Variants in MTFR1 observed in about 807,000 individuals in gnomAD.
MTFR1 encodes the protein mitochondrial fission regulator 1, also known as chondrocyte protein with a poly-proline region.
Under a neutral mutation model 38.8 loss-of-function variants are expected in MTFR1, and 28 were observed. That is an observed-to-expected ratio of 0.72 (90% CI 0.53 to 0.99). The LOEUF (loss-of-function observed/expected upper bound fraction) is 0.99. Ranked by LOEUF, MTFR1 falls within the 50% of genes least tolerant of loss-of-function variation. MTFR1 has a pLI of 0.00. For synonymous variants in MTFR1, 145 were observed against 137.0 expected (o/e 1.06, Z -0.41); for missense variants, 358 against 395.5 (o/e 0.91, Z 0.81).
chr8:65,770,505 C>T (rs1055306581), intron 3 of MTFR1, among the ~76,000 whole-genome samples: 2 of 152,178 alleles, frequency 1.3e-5, no homozygotes, highest in African/African-American at 4.8e-5. Context: ...AATTACCTCC[C>T]ACTGGGCCCC....
downstream of MTFR1, among the ~76,000 whole-genome samples, chr8:65,773,075 A>C (rs1039357321): frequency 6.6e-6 from 1 of 152,250 alleles, no homozygotes; most frequent in Non-Finnish European, 1.5e-5. Flanking sequence ...GCTAATGTTT[A>C]GGACAATCAG....
At chr8:65,659,508 A>G (rs966967411) in intron 1 of MTFR1, among the ~76,000 whole-genome samples, 4 of 151,462 alleles carry the variant, frequency 2.6e-5, no homozygotes, top group Non-Finnish European at 5.9e-5. Flanking sequence ...GGACCACGCA[A>G]TCTGAGCTGA....
intron 1 of MTFR1, among the ~76,000 whole-genome samples, chr8:65,665,915 A>C (rs1198644346): frequency 2.0e-5 from 2 of 99,588 alleles, no homozygotes; most frequent in East Asian, 4.4e-4. Context: ...TTTATGCATT[A>C]ATCTCTATTA....
intron 4 of MTFR1, among the ~76,000 whole-genome samples, chr8:65,699,591 A>G (rs974149289): frequency 1.3e-5 from 2 of 152,158 alleles, no homozygotes; most frequent in Non-Finnish European, 2.9e-5. Flanking sequence ...TGTAGCTGCA[A>G]TCCACCTCCT....
At chr8:65,754,256 A>C (rs1390827916) in intron 3 of MTFR1, among the ~76,000 whole-genome samples, 1 of 151,956 alleles carries the variant, frequency 6.6e-6, no homozygotes, top group East Asian at 1.9e-4. Flanking sequence ...CCCCCGCCCC[A>C]AGATTGAGGG....
At chr8:65,713,439 AACAC>A (rs144454204), downstream of MTFR1, among the ~76,000 whole-genome samples, 37,517 of 137,234 alleles carry the variant, frequency 0.27, 5,478 homozygotes, top group Non-Finnish European at 0.35. Flanking sequence ...TCCCATCTCA[AACAC>A]ACACACACAC....
At position 65,669,939 on chromosome 8, in the gene MTFR1, A is replaced by T. The variant is rs1295937379; in HGVS notation, c.-14A>T. On this transcript the variant is annotated 5_prime_UTR_variant, in exon 2 of 8. Coordinates refer to ENST00000262146, the MANE Select transcript of MTFR1 (RefSeq NM_014637.4). ...GTACTTGAAATGCAAATTTGGGGAG[A>T]CTTTGCCATATAAATGCTTGGCTGG... 1 of 1,604,198 alleles carries T rather than the reference A, an allele frequency of 6.2e-7. No individual in the cohort carries two copies. Among genetic ancestry groups the T allele is most frequent in the East Asian group, 2.2e-5 (1 of 44,562 alleles).
At chr8:65,745,465 C>CTTTTTCTCCTCATTATGTTTGT in intron 3 of MTFR1, 1 of 1,542,998 alleles carries the variant, frequency 6.5e-7, no homozygotes, top group Non-Finnish European at 9.0e-7. Flanking sequence ...CTTTTTCCAG[C>CTTTTTCTCCTCATTATGTTTGT]ATACACTGAA....
intron 3 of MTFR1, among the ~76,000 whole-genome samples, chr8:65,684,862 G>A (rs1270184531): frequency 2.0e-5 from 3 of 151,844 alleles, no homozygotes; most frequent in Non-Finnish European, 4.4e-5. Context: ...AAATTAGCTG[G>A]GCATGGTGGC....
At chr8:65,668,239 G>A (rs193086665) in intron 1 of MTFR1, among the ~76,000 whole-genome samples, 26 of 147,346 alleles carry the variant, frequency 1.8e-4, no homozygotes, top group African/African-American at 6.3e-4. Flanking sequence ...GTGTAGTGGC[G>A]TGATCTCAGC....
At chr8:65,745,537 C>CA in intron 3 of MTFR1, 1 of 853,032 alleles carries the variant, frequency 1.2e-6, no homozygotes, top group Non-Finnish European at 1.9e-6. Context: ...GGAGATATTC[C>CA]ATAGAGAAGT....
At chr8:65,719,701 A>T in intron 3 of MTFR1, 1 of 561,916 alleles carries the variant, frequency 1.8e-6, no homozygotes, top group Non-Finnish European at 3.2e-6. Flanking sequence ...AACTCAATGG[A>T]AATTTGAGTA....
intron 3 of MTFR1, chr8:65,726,929 GCAGATCTC>G (rs1806637100): frequency 6.2e-7 from 1 of 1,608,542 alleles, no homozygotes; most frequent in Non-Finnish European, 8.5e-7. Context: ...TAAGCCCACT[GCAGATCTC>G]CAGTGGTGAT....
chr8:65,751,550 T>TATC (rs1404478164), intron 3 of MTFR1, among the ~76,000 whole-genome samples: 3 of 152,068 alleles, frequency 2.0e-5, no homozygotes, highest in Admixed American at 6.5e-5. Flanking sequence ...TAGAGTGCAA[T>TATC]GGTGCGATAT....
In MTFR1 at chr8:65,660,338, T is replaced by G. The variant is rs560779952; in HGVS notation, c.-80-9535T>G. On this transcript the variant is annotated intron_variant, in intron 1 of 7. Coordinates refer to ENST00000262146, the MANE Select transcript of MTFR1 (RefSeq NM_014637.4). Reference sequence around the variant, plus strand: ...AAAAAAAAAACCCATCTGTGGTGGTTAATTTTATATATCAACTGGACTGGT... The same window carrying G: ...AAAAAAAAAACCCATCTGTGGTGGTGAATTTTATATATCAACTGGACTGGT... Among the ~76,000 whole-genome samples, 3 of 151,290 alleles carry G rather than the reference T, an allele frequency of 2.0e-5. No homozygotes were observed. In the East Asian group the frequency reaches 5.8e-4, roughly 29 times the overall value.
rs1232919502 is a variant in MTFR1 at position 65,708,023 on chromosome 8, G to A, written c.933+12G>A. ...CAGAGAGAGTGTTGGTGAGTTATTT[G>A]CCCAGATTTCTTTCCTGTTATGTAG... On this transcript the variant is annotated intron_variant, in intron 7 of 7. Coordinates refer to ENST00000262146, the MANE Select transcript of MTFR1 (RefSeq NM_014637.4). The A allele has an allele frequency of 1.2e-6, 2 of 1,610,442 alleles. No individual in the cohort carries two copies. Among genetic ancestry groups the A allele is most frequent in the African/African-American group, 2.7e-5 (2 of 74,894 alleles).
downstream of MTFR1, among the ~76,000 whole-genome samples, chr8:65,774,185 T>C (rs1266909673): frequency 6.6e-6 from 1 of 152,242 alleles, no homozygotes; most frequent in Non-Finnish European, 1.5e-5. Context: ...AAAAACTATG[T>C]ATTGAATCAT....
At chr8:65,680,574 C>T (rs1474941476) in intron 2 of MTFR1, among the ~76,000 whole-genome samples, 1 of 152,114 alleles carries the variant, frequency 6.6e-6, no homozygotes, top group African/African-American at 2.4e-5. Flanking sequence ...ATGCTTTTAT[C>T]TAAGGGTCTA....
At chr8:65,727,279 C>G in intron 3 of MTFR1, 1 of 1,612,612 alleles carries the variant, frequency 6.2e-7, no homozygotes. Context: ...CAAGATATCC[C>G]AAGGAGTTAC....
Sources: allele counts gnomAD v4.1 joint callset (sites outside exome capture counted in the v4.1 genomes callset), GRCh38; gene constraint gnomAD v4.1.1; transcripts MANE v1.5; gene names NCBI Gene and HGNC (gene_info 2026-07-23, HGNC 2026-07-21).